Variants in PTPRU observed in about 807,000 individuals in gnomAD.
PTPRU encodes the protein protein tyrosine phosphatase receptor type U.
Under a neutral mutation model 166.3 loss-of-function variants are expected in PTPRU, and 69 were observed. The observed-to-expected ratio is 0.41, with a 90% CI of 0.34 to 0.51. The LOEUF (loss-of-function observed/expected upper bound fraction) is 0.51. Ranked by LOEUF, PTPRU falls within the 20% of genes least tolerant of loss-of-function variation. PTPRU has a pLI of 0.09. For missense variants in PTPRU, 1,657 were observed against 2,013.7 expected (o/e 0.82, Z 3.39); for synonymous variants, 793 against 814.0 (o/e 0.97, Z 0.44).
chr1:29,269,590 A>G (rs1685473394), intron 7 of PTPRU, among the ~76,000 whole-genome samples: 1 of 151,996 alleles, frequency 6.6e-6, no homozygotes, highest in Non-Finnish European at 1.5e-5. Context: ...TGTTGACATC[A>G]TGGCCCCTCC....
intron 15 of PTPRU, among the ~76,000 whole-genome samples, chr1:29,296,603 G>T (rs1328485392): frequency 1.3e-5 from 2 of 151,230 alleles, no homozygotes; most frequent in Non-Finnish European, 2.9e-5. Context: ...CGACCTCCTG[G>T]GCTCAAGTGA....
intron 26 of PTPRU, among the ~76,000 whole-genome samples, chr1:29,322,571 C>A (rs1688206504): frequency 6.6e-6 from 1 of 152,026 alleles, no homozygotes; most frequent in African/African-American, 2.4e-5. Context: ...GTTGCCAGGA[C>A]CTGAGGCAAA....
At chr1:29,324,326 C>A (rs1339458981) in intron 28 of PTPRU, among the ~76,000 whole-genome samples, 3 of 152,216 alleles carry the variant, frequency 2.0e-5, no homozygotes, top group African/African-American at 7.2e-5. Flanking sequence ...TGGTGCGGAG[C>A]TGAGTCAGTC....
At chr1:29,309,542 ATAG>A (rs1466204494) in intron 18 of PTPRU, among the ~76,000 whole-genome samples, 1 of 152,262 alleles carries the variant, frequency 6.6e-6, no homozygotes, top group Non-Finnish European at 1.5e-5. Context: ...CAGCTTTAAA[ATAG>A]TAGTAGTAAT....
chr1:29,303,744 C>T, intron 15 of PTPRU, 111 bp from the exon 16 acceptor site: 2 of 1,182,148 alleles, frequency 1.7e-6, no homozygotes, highest in Non-Finnish European at 1.2e-6. Flanking sequence ...AACAACCCAG[C>T]TATGCTTGGC....
intron 24 of PTPRU, 77 bp downstream of exon 24, chr1:29,316,228 A>G: frequency 6.7e-7 from 1 of 1,484,054 alleles, no homozygotes; most frequent in Non-Finnish European, 9.2e-7. Context: ...ATACTGCAGG[A>G]GTCATTGAGG....
intron 18 of PTPRU, among the ~76,000 whole-genome samples, chr1:29,307,909 C>T (rs1335467054): frequency 6.6e-6 from 1 of 151,698 alleles, no homozygotes; most frequent in African/African-American, 2.4e-5. Flanking sequence ...TACAGGCATG[C>T]ACCACCACGC....
At chr1:29,308,306 A>T (rs1318869251) in intron 18 of PTPRU, among the ~76,000 whole-genome samples, 6 of 136,460 alleles carry the variant, frequency 4.4e-5, no homozygotes, top group South Asian at 2.5e-4. Flanking sequence ...TTTTTAAGAG[A>T]TGGGGTCTTC....
At chr1:29,269,240 A>G (rs1468564734) in intron 7 of PTPRU, among the ~76,000 whole-genome samples, 7 of 31,822 alleles carry the variant, frequency 2.2e-4, no homozygotes, top group Non-Finnish European at 4.6e-4. Flanking sequence ...ATATATATAT[A>G]TATATATTTT....
At position 29,325,858 on chromosome 1, in the gene PTPRU, C is replaced by A; in HGVS notation, c.*197C>A. 1.7e-6 allele frequency: 1 copy of A among 605,618 alleles called. No individual in the cohort carries two copies. The highest frequency in any genetic ancestry group is 2.8e-6 in the Non-Finnish European group (1 of 362,590). 37.5% of individuals were successfully genotyped at this position (605,618 alleles called of 1,614,324 possible). Reference sequence around the variant, plus strand: ...CTTGTCCCATGGGCGGGTGGTGGGCCAAGGAGGAGCTTAGCAAGTCTGCAG... The same window carrying A: ...CTTGTCCCATGGGCGGGTGGTGGGCAAAGGAGGAGCTTAGCAAGTCTGCAG... On this transcript the variant is annotated 3_prime_UTR_variant, in exon 30 of 30. Coordinates refer to ENST00000373779, the MANE Select transcript of PTPRU (RefSeq NM_133178.4).
At position 29,311,591 on chromosome 1, in the gene PTPRU, G is replaced by A; in HGVS notation, c.2955+38G>A. The A allele has an allele frequency of 1.9e-6, 3 of 1,614,100 alleles. No homozygotes were observed. The highest frequency in any genetic ancestry group is 4.5e-5 in the East Asian group (2 of 44,884). On this transcript the variant is annotated intron_variant, in intron 20 of 29. Coordinates refer to ENST00000373779, the MANE Select transcript of PTPRU (RefSeq NM_133178.4). The surrounding 1 kb of genome is among the most constrained non-coding windows in gnomAD (Gnocchi z 4.1). ...GTGGGGCGAGCTGGGGCGCATGGCA[G>A]GCCAAGGGGGCAGCAAAGAGCCCAC...
chr1:29,267,016 G>C (rs762043611), intron 7 of PTPRU, among the ~76,000 whole-genome samples: 12 of 152,182 alleles, frequency 7.9e-5, no homozygotes, highest in Non-Finnish European at 1.5e-4. Context: ...CTTGAGGCAA[G>C]GAGTTTGAGA....
intron 16 of PTPRU, among the ~76,000 whole-genome samples, 168 bp downstream of exon 16, chr1:29,304,213 T>C (rs1396109649): frequency 6.6e-6 from 1 of 152,176 alleles, no homozygotes; most frequent in Non-Finnish European, 1.5e-5. Flanking sequence ...ATCCTAATTT[T>C]AGACTGATTT....
At position 29,311,139 on chromosome 1, in the gene PTPRU, G is replaced by C. The variant is rs1687636920; in HGVS notation, c.2858-317G>C. 6.6e-6 allele frequency among the ~76,000 whole-genome samples: 1 copy of C among 152,176 alleles called. No homozygotes were observed. The highest frequency in any genetic ancestry group is 2.1e-4 in the South Asian group (1 of 4,820). ...GTCTGGTGGCTGCCTGGATTCTTCT[G>C]TTTGCATCCCTTTCCACGACTGTCC... On this transcript the variant is annotated intron_variant, in intron 19 of 29. Transcript: ENST00000373779. The surrounding 1 kb of genome is among the most constrained non-coding windows in gnomAD (Gnocchi z 4.1).
At chr1:29,307,054 C>T (rs991498852) in intron 18 of PTPRU, 55 of 1,533,466 alleles carry the variant, frequency 3.6e-5, no homozygotes, top group East Asian at 2.5e-4. Context: ...TCCTGTGCTC[C>T]GTCCACCTCC....
chr1:29,322,996 G>C (rs866014573), intron 26 of PTPRU, among the ~76,000 whole-genome samples: 1 of 151,966 alleles, frequency 6.6e-6, no homozygotes. Flanking sequence ...AGAGAAGGCT[G>C]GGGGGAGGTT....
At chr1:29,322,131 G>A (rs1181261188) in intron 26 of PTPRU, among the ~76,000 whole-genome samples, 1 of 152,262 alleles carries the variant, frequency 6.6e-6, no homozygotes, top group Non-Finnish European at 1.5e-5. Context: ...CAGGATAATG[G>A]GCCTCAGCCC....
Position 29,317,880 on chromosome 1 carries a change from G to A in PTPRU, c.3646G>A (p.Asp1216Asn), listed in dbSNP as rs147548296. 5 of 1,614,038 alleles carry A rather than the reference G, an allele frequency of 3.1e-6. No homozygotes were observed. The African/African-American group carries it at 5.3e-5, about 17-fold the overall frequency. ...DRCLPFLISTDGDSNNYINAA... is the reference protein window; with the variant it reads ...DRCLPFLISTNGDSNNYINAA... Reference sequence around the variant, plus strand: ...CTGCCTGCCCTTCCTCATCTCCACTGATGGGGACTCCAACAACTACATTAA... The same window carrying A: ...CTGCCTGCCCTTCCTCATCTCCACTAATGGGGACTCCAACAACTACATTAA... Residue 1216 changes from aspartate to asparagine, a missense_variant, in exon 25 of 30, where the codon GAT becomes AAT. This residue lies in a region of PTPRU where 1,190 missense variants were observed against 1,477.4 expected (regional missense o/e 0.81). Coordinates refer to ENST00000373779, the MANE Select transcript of PTPRU (RefSeq NM_133178.4). This position sits in a 1 kb window ranked among gnomAD's most constrained non-coding sequence, Gnocchi z 5.6.
chr1:29,298,824 C>T (rs1166149730), intron 15 of PTPRU, among the ~76,000 whole-genome samples: 1 of 152,178 alleles, frequency 6.6e-6, no homozygotes, highest in Non-Finnish European at 1.5e-5. Context: ...CTTAACTCTT[C>T]TGGGCCTCAG....
Sources: allele counts gnomAD v4.1 joint callset (sites outside exome capture counted in the v4.1 genomes callset), GRCh38; gene constraint gnomAD v4.1.1; regional missense constraint gnomAD v4.1.1; non-coding constraint Gnocchi (gnomAD v3.1); transcripts MANE v1.5; gene names NCBI Gene and HGNC (gene_info 2026-07-23, HGNC 2026-07-21).